GLT8D2: variants seen among roughly 807,000 people sequenced by gnomAD.
GLT8D2 encodes glycosyltransferase 8 domain-containing protein 2.
In GLT8D2, 45 loss-of-function variants were observed where a neutral mutation model predicts 44.5. That is an observed-to-expected ratio of 1.01 (90% confidence interval 0.80 to 1.30). The LOEUF (loss-of-function observed/expected upper bound fraction) is 1.30, where lower values mean the gene tolerates loss of function less well. Among genes scored for constraint, GLT8D2 ranks in the 50% most tolerant of loss-of-function variants. GLT8D2 has a pLI of 0.00. For synonymous variants in GLT8D2, 156 were observed against 157.2 expected (o/e 0.99, Z 0.06); for missense variants, 400 against 430.4 (o/e 0.93, Z 0.62).
chr12:104,051,907 T>C (rs548645793), upstream of GLT8D2, among the ~76,000 whole-genome samples: 4 of 152,308 alleles, frequency 2.6e-5, no homozygotes, highest in Admixed American at 2.0e-4. Context: ...GATATCCCAG[T>C]TACACTGATT....
At chr12:104,041,614 AG>A (rs1333953516) in intron 1 of GLT8D2, among the ~76,000 whole-genome samples, 1 of 152,176 alleles carries the variant, frequency 6.6e-6, no homozygotes, top group Non-Finnish European at 1.5e-5. Context: ...AGATGGGATA[AG>A]GGCCCAACCC....
chr12:103,991,822 TTAA>T (rs1172097948), intron 10 of GLT8D2, among the ~76,000 whole-genome samples: 8 of 58,338 alleles, frequency 1.4e-4, no homozygotes, highest in Non-Finnish European at 3.2e-4. Flanking sequence ...ATTACGTCCT[TTAA>T]AAAAAAAAAA....
In GLT8D2 at chr12:104,057,246, A is replaced by C. The variant is rs1353477267; in HGVS notation, c.-423+6703T>G. On this transcript the variant is annotated intron_variant, in intron 1 of 10. Coordinates refer to the GLT8D2 transcript ENST00000548660. ...TGAAAGCACAAAGGAAAACTTAGAA[A>C]GGAGGCTGGGCATGGTGGCTCACAC... 2.0e-5 allele frequency among the ~76,000 whole-genome samples: 3 copies of C among 152,326 alleles called. No individual in the cohort carries two copies. The East Asian group carries it at 5.8e-4, about 29-fold the overall frequency.
chr12:104,044,638 T>A (rs978470628), intron 1 of GLT8D2, among the ~76,000 whole-genome samples: 45 of 152,310 alleles, frequency 3.0e-4, no homozygotes, highest in African/African-American at 1.0e-3. Flanking sequence ...TAATTACACC[T>A]CTGCAATAAC....
rs112939000 is a variant in GLT8D2 at position 104,002,986 on chromosome 12, G to C, written c.284+149C>G. The C allele has an allele frequency of 0.015, 9,275 of 620,282 alleles. 700 individuals are homozygous for C. The African/African-American group carries it at 0.16, about 11-fold the overall frequency. 38.4% of individuals were successfully genotyped at this position (620,282 alleles called of 1,614,324 possible). On this transcript the variant is annotated intron_variant, in intron 5 of 10. Coordinates refer to ENST00000360814, the MANE Select transcript of GLT8D2 (RefSeq NM_001384711.1). ...AGAGAGAAAGACAGAGAGAGAGAGA[G>C]AGACAGAAAGAGAGAGGGAGAGAAA...
In GLT8D2 at chr12:104,062,825, T is replaced by C. The variant is rs1170151167; in HGVS notation, c.-423+1124A>G. Among the ~76,000 whole-genome samples, 3 of 152,140 alleles carry C rather than the reference T, an allele frequency of 2.0e-5. No individual in the cohort carries two copies. The East Asian group carries it at 5.8e-4, about 29-fold the overall frequency. ...TAACTTGTATTGTGGATATTTAAGA[T>C]ATACAATATGAAGTTGATATCATAT... On this transcript the variant is annotated intron_variant, in intron 1 of 10. Coordinates refer to the GLT8D2 transcript ENST00000548660.
chr12:104,063,638 T>C (rs1882887641), intron 1 of GLT8D2, among the ~76,000 whole-genome samples: 1 of 152,208 alleles, frequency 6.6e-6, no homozygotes, highest in Non-Finnish European at 1.5e-5. Context: ...GTATGGTATA[T>C]GATATAAGGG....
At chr12:104,050,641 G>T (rs998930691), upstream of GLT8D2, among the ~76,000 whole-genome samples, 45 of 152,164 alleles carry the variant, frequency 3.0e-4, no homozygotes, top group African/African-American at 1.0e-3. Flanking sequence ...GTATCTCTGC[G>T]GTGTGTTCTC....
chr12:104,015,597 C>T (rs1280300042), intron 3 of GLT8D2, among the ~76,000 whole-genome samples: 1 of 151,942 alleles, frequency 6.6e-6, no homozygotes, highest in Non-Finnish European at 1.5e-5. Context: ...AACAAACAAA[C>T]AGAAAGAATT....
chr12:104,033,806 G>GTA (rs34091331), intron 1 of GLT8D2, among the ~76,000 whole-genome samples: 107 of 145,876 alleles, frequency 7.3e-4, no homozygotes, highest in Middle Eastern at 3.5e-3. Flanking sequence ...GTGTGTGTGT[G>GTA]TATATATATA....
intron 1 of GLT8D2, among the ~76,000 whole-genome samples, chr12:104,026,345 G>T (rs562945738): frequency 5.3e-5 from 8 of 151,876 alleles, no homozygotes; most frequent in South Asian, 2.1e-4. Flanking sequence ...GCAAGAAAAG[G>T]GTTGATCTAC....
At chr12:103,996,657 C>T in intron 8 of GLT8D2, 78 bp downstream of exon 8, 1 of 1,005,292 alleles carries the variant, frequency 9.9e-7, no homozygotes, top group Middle Eastern at 3.1e-4. Context: ...AGGTTACACT[C>T]ATTTTGACTT....
intron 1 of GLT8D2, among the ~76,000 whole-genome samples, chr12:104,023,586 T>A (rs986004183): frequency 6.6e-6 from 1 of 152,206 alleles, no homozygotes; most frequent in African/African-American, 2.4e-5. Context: ...TATAGTTCTA[T>A]GGACTTTTAC....
intron 4 of GLT8D2, chr12:104,012,623 G>A (rs991208273): frequency 2.1e-6 from 1 of 468,868 alleles, no homozygotes; most frequent in African/African-American, 2.0e-5. Flanking sequence ...GTCTTTATGT[G>A]ACTTCCTTCT....
chr12:104,042,590 G>A (rs1424371774), intron 1 of GLT8D2, among the ~76,000 whole-genome samples: 2 of 152,128 alleles, frequency 1.3e-5, no homozygotes, highest in Non-Finnish European at 2.9e-5. Context: ...TTATAAAGAG[G>A]TAGAAAACTG....
chr12:104,010,468 A>G (rs1423011989), intron 4 of GLT8D2, among the ~76,000 whole-genome samples: 1 of 152,112 alleles, frequency 6.6e-6, no homozygotes, highest in East Asian at 1.9e-4. Flanking sequence ...ATTAACACGC[A>G]CCTTCTCTAT....
intron 10 of GLT8D2, among the ~76,000 whole-genome samples, chr12:103,992,591 C>T (rs1305931782): frequency 6.6e-6 from 1 of 151,520 alleles, no homozygotes; most frequent in African/African-American, 2.4e-5. Context: ...CTTCCAGGTC[C>T]AAGCGATTCT....
At chr12:104,037,323 C>G (rs1385894497) in intron 1 of GLT8D2, among the ~76,000 whole-genome samples, 1 of 152,064 alleles carries the variant, frequency 6.6e-6, no homozygotes, top group Non-Finnish European at 1.5e-5. Context: ...CAGAGCAGAA[C>G]TGAAGGAGAT....
chr12:104,018,136 A>T (rs1249399449), intron 3 of GLT8D2, among the ~76,000 whole-genome samples: 1 of 151,714 alleles, frequency 6.6e-6, no homozygotes, highest in Non-Finnish European at 1.5e-5. Flanking sequence ...CACCTGGCTA[A>T]TTTTTTGTAT....
Sources: allele counts gnomAD v4.1 joint callset (sites outside exome capture counted in the v4.1 genomes callset), GRCh38; gene constraint gnomAD v4.1.1; transcripts MANE v1.5; gene names NCBI Gene and HGNC (gene_info 2026-07-23, HGNC 2026-07-21).